POLE: variants seen among roughly 807,000 people sequenced by gnomAD.
The protein encoded by POLE is DNA polymerase epsilon catalytic subunit A.
POLE carries 188 observed loss-of-function variants against 279.2 expected under a neutral mutation model. The ratio of observed to expected loss-of-function variants is 0.67; its 90% CI spans 0.60 to 0.76. The LOEUF (loss-of-function observed/expected upper bound fraction) is 0.76, where lower values mean the gene tolerates loss of function less well. Ranked by LOEUF, POLE falls within the 30% of genes least tolerant of loss-of-function variation. The probability of loss-of-function intolerance (pLI) is 0.00; values close to 1 mark genes in which losing one functional copy is unlikely to be tolerated. For synonymous variants in POLE, 1,214 were observed against 1,172.5 expected (o/e 1.04, Z -0.72); for missense variants, 2,703 against 3,016.7 (o/e 0.90, Z 2.44).
At chr12:132,650,818 TA>T (rs949718806) in intron 29 of POLE, 2 of 151,932 alleles carry the variant, frequency 1.3e-5, no homozygotes, top group African/African-American at 2.4e-5. Context: ...GCCACAGCTG[TA>T]AGTTTTAACC....
At position 132,675,726 on chromosome 12, in the gene POLE, C is replaced by T. The variant is rs746392495; in HGVS notation, c.1106+9G>A. 1.2e-6 allele frequency: 2 copies of T among 1,612,480 alleles called. No individual in the cohort carries two copies. The highest frequency in any genetic ancestry group is 3.3e-5 in the Admixed American group (2 of 60,028). ...TGCCCAGTTACTCATAGAGAAGACA[C>T]AGACTCACCAGTCAAAAAAGTCCCC... On this transcript the variant is annotated intron_variant, in intron 11 of 48. Coordinates refer to ENST00000320574, the MANE Select transcript of POLE (RefSeq NM_006231.4). The surrounding 1 kb of genome is among the most constrained non-coding windows in gnomAD (Gnocchi z 4.3).
rs750084800 is a variant in POLE at position 132,657,415 on chromosome 12, G to C, written c.3393C>G (p.Asp1131Glu). 3 of 1,614,134 alleles carry C rather than the reference G, an allele frequency of 1.9e-6. No individual in the cohort carries two copies. The highest frequency in any genetic ancestry group is 2.5e-6 in the Non-Finnish European group (3 of 1,180,008). Residue 1131 changes from aspartate to glutamate, a missense_variant, in exon 28 of 49, where the codon GAC (aspartate) becomes GAG (glutamate). By Grantham distance (45) the Asp-to-Glu change is conservative. Transcript: ENST00000320574. The stretch of plus-strand genomic sequence containing the variant: ...CGCTTCCCAGCCGCTCAATGTAGTA[G>C]TCCCAATCCAGAATCTGCATGTGCA... ...DFDIRAILDWDYYIERLGSAI... is the reference protein window; with the variant it reads ...DFDIRAILDWEYYIERLGSAI...
At chr12:132,648,785 G>A in intron 32 of POLE, 144 bp downstream of exon 32, 1 of 878,332 alleles carries the variant, frequency 1.1e-6, no homozygotes, top group Admixed American at 2.4e-5. Context: ...TCGGTGCTCA[G>A]CGCTCACACA....
At chr12:132,673,787 A>G in intron 12 of POLE, 80 bp from the exon 13 acceptor site, 1 of 1,543,264 alleles carries the variant, frequency 6.5e-7, no homozygotes. Flanking sequence ...AAAACTGGGC[A>G]CCACACAGAC....
intron 26 of POLE, among the ~76,000 whole-genome samples, 198 bp downstream of exon 26, chr12:132,659,097 T>C (rs1160417358): frequency 6.6e-6 from 1 of 152,220 alleles, no homozygotes; most frequent in African/African-American, 2.4e-5. Context: ...CCATTTCTGG[T>C]TGATGGACAC....
At chr12:132,647,550 G>A (rs982658331) in intron 32 of POLE, among the ~76,000 whole-genome samples, 6 of 151,942 alleles carry the variant, frequency 3.9e-5, no homozygotes, top group Non-Finnish European at 1.5e-5. Context: ...AAAGGAAACA[G>A]CTAATACACA....
intron 44 of POLE, 71 bp from the exon 45 acceptor site, chr12:132,632,579 C>A: frequency 3.1e-6 from 5 of 1,607,304 alleles, no homozygotes; most frequent in Non-Finnish European, 4.3e-6. Context: ...ACCTGGGGGA[C>A]TGGCACCGGG....
chr12:132,637,842 C>T (rs567420871), intron 41 of POLE, among the ~76,000 whole-genome samples, 172 bp downstream of exon 41: 5 of 152,200 alleles, frequency 3.3e-5, no homozygotes, highest in Admixed American at 1.3e-4. Flanking sequence ...GATCTGCTAC[C>T]GCGCACAGGT....
In POLE at chr12:132,661,606, T is replaced by A. The variant is rs765066823; in HGVS notation, c.2785A>T (p.Ile929Phe). The stretch of plus-strand genomic sequence containing the variant: ...TAGGGCCCATCAACCTCAAAAAAGA[T>A]GCTGTTCTCTGAGCGGGTGACGTAG... ...LTYVTRSENS[I>F]FFEVDGPYLA... The change falls in exon 24 of 49, where the codon ATC becomes TTC. Residue 929 changes from isoleucine to phenylalanine, a missense_variant. Physicochemically the swap from Ile to Phe is conservative, Grantham distance 21. This residue lies in a region of POLE where 101 missense variants were observed against 115.4 expected (regional missense o/e 0.87). Transcript: ENST00000320574. The surrounding 1 kb of genome is among the most constrained non-coding windows in gnomAD (Gnocchi z 4.1). 1 of 1,614,206 alleles carries A rather than the reference T, an allele frequency of 6.2e-7. No individual in the cohort carries two copies. Among genetic ancestry groups the A allele is most frequent in the Non-Finnish European group, 8.5e-7 (1 of 1,180,040 alleles).
intron 6 of POLE, among the ~76,000 whole-genome samples, chr12:132,678,561 A>G (rs1010873696): frequency 2.0e-5 from 3 of 152,220 alleles, no homozygotes; most frequent in Non-Finnish European, 4.4e-5. Context: ...TGGGCAACAG[A>G]GCAAGACCCT....
At position 132,661,980 on chromosome 12, in the gene POLE, AG is replaced by A. The variant is rs1443103817; in HGVS notation, c.2707-297del. Among the ~76,000 whole-genome samples, 4 of 152,228 alleles carry A rather than the reference AG, an allele frequency of 2.6e-5. No homozygotes were observed. Among genetic ancestry groups the A allele is most frequent in the Admixed American group, 1.3e-4 (2 of 15,276 alleles). Reference sequence around the variant, plus strand: ...TACAAAAAACACATTGTGGGTTGCCAGGGTTTCGGGGTAGGGAGAGGATTTG... The same window carrying A: ...TACAAAAAACACATTGTGGGTTGCCAGGTTTCGGGGTAGGGAGAGGATTTG... On this transcript the variant is annotated intron_variant, in intron 23 of 48. Transcript: ENST00000320574. The surrounding 1 kb of genome is among the most constrained non-coding windows in gnomAD (Gnocchi z 4.1).
intron 29 of POLE, 139 bp downstream of exon 29, chr12:132,656,997 A>T: frequency 1.2e-6 from 1 of 866,812 alleles, no homozygotes; most frequent in East Asian, 2.5e-5. Context: ...TAAAGTGCCA[A>T]TGGGCACATT....
chr12:132,662,489 G>GCAGA (rs1420177490), intron 23 of POLE, among the ~76,000 whole-genome samples: 1 of 152,220 alleles, frequency 6.6e-6, no homozygotes, highest in African/African-American at 2.4e-5. Flanking sequence ...ATGCATCCAT[G>GCAGA]CAGACAGACA....
chr12:132,664,262 T>C lies in POLE; in HGVS notation c.2561+108A>G. 3.3e-6 allele frequency: 4 copies of C among 1,217,186 alleles called. No homozygotes were observed. Among genetic ancestry groups the C allele is most frequent in the Non-Finnish European group, 4.8e-6 (4 of 834,204 alleles). 75.4% of individuals were successfully genotyped at this position (1,217,186 alleles called of 1,614,324 possible). A position where few individuals can be genotyped will look rare whatever the true frequency, so the allele number is the denominator to read the frequency against. On this transcript the variant is annotated intron_variant, in intron 22 of 48. Transcript: ENST00000320574. This position sits in a 1 kb window ranked among gnomAD's most constrained non-coding sequence, Gnocchi z 5.3. Reference sequence around the variant, plus strand: ...CCAGTGTGTGGCCTCCAGCCTTCCCTCCTTCCTTCCTGCCCAGTGTGTGGC... The same window carrying C: ...CCAGTGTGTGGCCTCCAGCCTTCCCCCCTTCCTTCCTGCCCAGTGTGTGGC...
In POLE at chr12:132,679,559, A is replaced by G; in HGVS notation, c.516T>C (p.Pro172=). Residue 172 remains proline (P), a synonymous_variant, in exon 6 of 49, where the codon CCT becomes CCC. Transcript: ENST00000320574. ...CCTGCTCCCTGTTCTTCTTCACGGCAGGGGAGATCTCCTTCCTCACTTTGA... is the reference window on the plus strand; with the variant it reads ...CCTGCTCCCTGTTCTTCTTCACGGCGGGGGAGATCTCCTTCCTCACTTTGA... ...DLVKVRKEIS[P]AVKKNREQDH... is the part of the protein sequence containing the mutation. 6.2e-7 allele frequency: 1 copy of G among 1,614,106 alleles called. No homozygotes were observed. The highest frequency in any genetic ancestry group is 8.5e-7 in the Non-Finnish European group (1 of 1,179,976).
intron 32 of POLE, among the ~76,000 whole-genome samples, chr12:132,644,616 A>G (rs1241936594): frequency 3.9e-5 from 6 of 151,976 alleles, no homozygotes; most frequent in African/African-American, 1.5e-4. Context: ...GAGAAATCAC[A>G]TTTTCCTAGT....
chr12:132,638,056 C>G lies in POLE; in HGVS notation c.5636G>C (p.Arg1879Pro), dbSNP rs145621558. The G allele has an allele frequency of 6.2e-7, 1 of 1,614,062 alleles. No homozygotes were observed. The highest frequency in any genetic ancestry group is 8.5e-7 in the Non-Finnish European group (1 of 1,179,974). Residue 1879 changes from arginine (R) to proline (P), a missense_variant, in exon 41 of 49, where the codon CGT (arginine) becomes CCT (proline). Physicochemically the swap from Arg to Pro is moderately radical, Grantham distance 103. Coordinates refer to ENST00000320574, the MANE Select transcript of POLE (RefSeq NM_006231.4). ...NRIILCTKKRRVEDAIAYVEY... is the reference protein window; with the variant it reads ...NRIILCTKKRPVEDAIAYVEY... ...CACGTAAGCGATGGCATCTTCCACACGGCGCTTCTTTGTACAGAGGATGAT... is the reference window on the plus strand; with the variant it reads ...CACGTAAGCGATGGCATCTTCCACAGGGCGCTTCTTTGTACAGAGGATGAT...
Position 132,677,497 on chromosome 12 carries a change from T to C in POLE, c.721-54A>G, listed in dbSNP as rs5744750. On this transcript the variant is annotated intron_variant, in intron 7 of 48. Coordinates refer to ENST00000320574, the MANE Select transcript of POLE (RefSeq NM_006231.4). The stretch of plus-strand genomic sequence containing the variant: ...GTTCTACATCCAGGAAAGTCTATTC[T>C]TCTGTGGATTCACCCATAATGATCA... The C allele has an allele frequency of 0.54, 872,494 of 1,607,978 alleles. 240,266 individuals are homozygous for C. Among genetic ancestry groups the C allele is most frequent in the Non-Finnish European group, 0.57 (668,509 of 1,174,650 alleles).
chr12:132,678,586 A>T (rs1042582133), intron 6 of POLE, among the ~76,000 whole-genome samples: 1 of 152,140 alleles, frequency 6.6e-6, no homozygotes, highest in Non-Finnish European at 1.5e-5. Flanking sequence ...CAAAACAAAT[A>T]AGTAAATAGA....
Sources: gnomAD v4.1 joint callset for allele counts (sites outside exome capture counted in the v4.1 genomes callset) on GRCh38, gnomAD v4.1.1 for gene constraint, gnomAD v4.1.1 regional missense constraint, Gnocchi (gnomAD v3.1) non-coding constraint, MANE v1.5 for transcripts, NCBI Gene and HGNC (gene_info 2026-07-23, HGNC 2026-07-21) for gene names.